GPC5: variants seen among roughly 807,000 people sequenced by gnomAD.
GPC5 encodes the protein glypican 5.
Under a neutral mutation model 53.9 loss-of-function variants are expected in GPC5, and 47 were observed. That is an observed-to-expected ratio of 0.87 (90% confidence interval 0.69 to 1.11). GPC5 has a LOEUF of 1.11. Among genes scored for constraint, GPC5 ranks in the 50% most tolerant of loss-of-function variants. The pLI is 0.00. For missense variants in GPC5, 748 were observed against 713.1 expected, an observed-to-expected ratio of 1.05 and a Z score of -0.56; for synonymous variants, 286 against 263.3, an observed-to-expected ratio of 1.09 and a Z score of -0.84.
chr13:92,593,447 G>A (rs1007628128), intron 7 of GPC5, among the ~76,000 whole-genome samples: 1 of 151,162 alleles, frequency 6.6e-6, no homozygotes, highest in African/African-American at 2.4e-5. Flanking sequence ...AACATAAAAT[G>A]TTAATGTTTA....
chr13:92,037,613 G>T (rs943479027), intron 6 of GPC5, among the ~76,000 whole-genome samples: 1 of 152,144 alleles, frequency 6.6e-6, no homozygotes, highest in African/African-American at 2.4e-5. Context: ...TTACTAAATT[G>T]CTAGGGCCTA....
intron 7 of GPC5, among the ~76,000 whole-genome samples, chr13:92,624,215 A>G (rs1333934313): frequency 6.6e-6 from 1 of 151,860 alleles, no homozygotes; most frequent in Non-Finnish European, 1.5e-5. Flanking sequence ...GATAACAGGC[A>G]CGTGCCACCA....
intron 1 of GPC5, among the ~76,000 whole-genome samples, chr13:91,447,263 A>G (rs897450150): frequency 1.3e-5 from 2 of 151,222 alleles, no homozygotes; most frequent in Non-Finnish European, 2.9e-5. Context: ...CTCAATCTCT[A>G]TTATTGCTTT....
chr13:92,066,195 G>T (rs1391134624), intron 6 of GPC5, among the ~76,000 whole-genome samples: 1 of 151,962 alleles, frequency 6.6e-6, no homozygotes, highest in African/African-American at 2.4e-5. Context: ...AATAGGAAAA[G>T]TTGCTCTCCT....
intron 6 of GPC5, among the ~76,000 whole-genome samples, chr13:91,998,337 G>C (rs1041267187): frequency 1.3e-5 from 2 of 152,150 alleles, no homozygotes; most frequent in African/African-American, 4.8e-5. Flanking sequence ...ATCTTGGCCT[G>C]ATGGCATTTC....
At chr13:92,631,666 A>C (rs1305971801) in intron 7 of GPC5, among the ~76,000 whole-genome samples, 3 of 152,180 alleles carry the variant, frequency 2.0e-5, no homozygotes. Flanking sequence ...TAATAAAAAT[A>C]TGGTTGAGTT....
intron 2 of GPC5, among the ~76,000 whole-genome samples, chr13:91,515,919 G>A (rs547919760): frequency 6.6e-6 from 1 of 152,198 alleles, no homozygotes; most frequent in South Asian, 2.1e-4. Context: ...TCATGGCAGT[G>A]GCAAAAGAAA....
intron 2 of GPC5, among the ~76,000 whole-genome samples, chr13:91,581,875 A>T (rs1317973614): frequency 6.6e-6 from 1 of 152,192 alleles, no homozygotes. Context: ...CTTCTTACTA[A>T]GAACAGTTAG....
At chr13:91,506,735 A>C (rs1884965412) in intron 2 of GPC5, among the ~76,000 whole-genome samples, 1 of 152,170 alleles carries the variant, frequency 6.6e-6, no homozygotes, top group African/African-American at 2.4e-5. Flanking sequence ...TTAAAGTAAA[A>C]GCACATGAAT....
At chr13:91,400,126 A>G (rs1324502366) in intron 1 of GPC5, among the ~76,000 whole-genome samples, 1 of 152,182 alleles carries the variant, frequency 6.6e-6, no homozygotes, top group Admixed American at 6.5e-5. Context: ...AGATCTCACT[A>G]GAGCCATGCA....
chr13:91,918,836 A>G (rs180863270), intron 6 of GPC5, among the ~76,000 whole-genome samples: 21 of 152,052 alleles, frequency 1.4e-4, no homozygotes, highest in Non-Finnish European at 2.2e-4. Context: ...TTTAAATGCT[A>G]TGTTTTTTCT....
chr13:92,775,153 A>T (rs1354453779), intron 7 of GPC5, among the ~76,000 whole-genome samples: 1 of 152,188 alleles, frequency 6.6e-6, no homozygotes, highest in Non-Finnish European at 1.5e-5. Context: ...GTTGTGTTTT[A>T]TATAAGACAG....
At chr13:91,539,201 T>G (rs1331546431) in intron 2 of GPC5, among the ~76,000 whole-genome samples, 4 of 152,284 alleles carry the variant, frequency 2.6e-5, no homozygotes, top group Non-Finnish European at 4.4e-5. Context: ...TTGAAAAGCT[T>G]TTTTTTAAAA....
chr13:92,296,961 C>T (rs558390145), intron 7 of GPC5, among the ~76,000 whole-genome samples: 2 of 152,172 alleles, frequency 1.3e-5, no homozygotes, highest in Non-Finnish European at 2.9e-5. Context: ...CCTCCATGGG[C>T]TCCTGTGTGG....
intron 7 of GPC5, among the ~76,000 whole-genome samples, chr13:92,611,814 T>C (rs550086214): frequency 2.8e-4 from 42 of 152,214 alleles, no homozygotes; most frequent in African/African-American, 1.0e-3. Flanking sequence ...CAGAAAGACA[T>C]GGTTTTGGTG....
At chr13:92,362,206 G>A (rs1416970176) in intron 7 of GPC5, among the ~76,000 whole-genome samples, 1 of 151,546 alleles carries the variant, frequency 6.6e-6, no homozygotes, top group East Asian at 1.9e-4. Flanking sequence ...TGTTGAGTTT[G>A]TGCATCCATT....
Position 92,458,217 on chromosome 13 carries a change from T to A in GPC5, c.1561+313228T>A, listed in dbSNP as rs75776466. ...AATTCAGTATTCTAGTCTATATGCT[T>A]AAAGGCTGGGGAATGTTCATTGTAC... is the stretch of plus-strand genomic sequence containing the variant. On this transcript the variant is annotated intron_variant, in intron 7 of 7. Coordinates refer to ENST00000377067, the MANE Select transcript of GPC5 (RefSeq NM_004466.6). Among the ~76,000 whole-genome samples, 583 of 148,512 alleles carry A rather than the reference T, an allele frequency of 3.9e-3. 21 individuals are homozygous for A. In the East Asian group the frequency reaches 0.082, roughly 21 times the overall value.
intron 3 of GPC5, among the ~76,000 whole-genome samples, chr13:91,705,348 T>C (rs887905565): frequency 6.6e-6 from 1 of 152,220 alleles, no homozygotes; most frequent in Non-Finnish European, 1.5e-5. Context: ...CTATTCTCCT[T>C]ATTCTATTTT....
intron 6 of GPC5, among the ~76,000 whole-genome samples, chr13:92,028,167 A>G (rs1566401368): frequency 6.6e-6 from 1 of 152,076 alleles, no homozygotes; most frequent in Admixed American, 6.6e-5. Context: ...GATGATTAAC[A>G]TTTTTTTAAA....
Sources: allele counts gnomAD v4.1 joint callset (sites outside exome capture counted in the v4.1 genomes callset), GRCh38; gene constraint gnomAD v4.1.1; transcripts MANE v1.5; gene names NCBI Gene and HGNC (gene_info 2026-07-23, HGNC 2026-07-21).